The following BBS9 variants were observed in gnomAD, a reference collection of about 807,000 sequenced individuals.
The protein encoded by BBS9 is protein PTHB1.
Under a neutral mutation model 117.7 loss-of-function variants are expected in BBS9, and 89 were observed. That is an observed-to-expected ratio of 0.76 (90% CI 0.64 to 0.90). The LOEUF (loss-of-function observed/expected upper bound fraction) is 0.90, where lower values mean the gene tolerates loss of function less well. Ranked by LOEUF, BBS9 falls within the 40% of genes least tolerant of loss-of-function variation. BBS9 has a pLI of 0.00. For synonymous variants in BBS9, 379 were observed against 370.9 expected (o/e 1.02, Z -0.25); for missense variants, 982 against 1,042.2 (o/e 0.94, Z 0.80).
At position 33,613,962 on chromosome 7, in the gene BBS9, A is replaced by G. The variant is rs1865008147; in HGVS notation, c.2522-21215A>G. 2.0e-5 allele frequency among the ~76,000 whole-genome samples: 3 copies of G among 152,144 alleles called. No individual in the cohort carries two copies. In the South Asian group the frequency reaches 6.2e-4, roughly 31 times the overall value. ...ACCATACACTCTGTTTCTGCATGGC[A>G]GGCTATATGCCATGACTAACTCTAC... On this transcript the variant is annotated intron_variant, in intron 21 of 21. Transcript: ENST00000671952.
chr7:33,216,878 G>A (rs1354374686), intron 5 of BBS9, among the ~76,000 whole-genome samples: 8 of 152,098 alleles, frequency 5.3e-5, no homozygotes, highest in Admixed American at 1.3e-4. Context: ...GGTGGATCAC[G>A]AGGTCAGGAG....
At chr7:33,595,952 A>G (rs988099543) in intron 21 of BBS9, among the ~76,000 whole-genome samples, 1 of 152,076 alleles carries the variant, frequency 6.6e-6, no homozygotes, top group Non-Finnish European at 1.5e-5. Context: ...GTTCTCACTT[A>G]TAAGTGGGAG....
intron 21 of BBS9, among the ~76,000 whole-genome samples, chr7:33,546,868 A>T (rs1853464163): frequency 6.6e-6 from 1 of 152,188 alleles, no homozygotes; most frequent in African/African-American, 2.4e-5. Context: ...TGTGTTATAG[A>T]GTACAATCAT....
At chr7:33,150,030 G>C (rs187416985) in intron 2 of BBS9, among the ~76,000 whole-genome samples, 2 of 152,150 alleles carry the variant, frequency 1.3e-5, no homozygotes, top group Admixed American at 1.3e-4. Context: ...CAACCCTTCT[G>C]GACTCCATTA....
intron 19 of BBS9, among the ~76,000 whole-genome samples, chr7:33,461,320 C>T (rs771404897): frequency 7.2e-5 from 11 of 151,908 alleles, no homozygotes; most frequent in Non-Finnish European, 1.2e-4. Context: ...TCTTCCACAG[C>T]AGTGGAATGA....
At chr7:33,401,414 G>A (rs1219504879) in intron 19 of BBS9, among the ~76,000 whole-genome samples, 2 of 152,132 alleles carry the variant, frequency 1.3e-5, no homozygotes, top group Non-Finnish European at 2.9e-5. Context: ...AGTGGCCTGG[G>A]GCACAGTCTC....
intron 8 of BBS9, 59 bp from the exon 9 acceptor site, chr7:33,273,768 A>T: frequency 1.3e-6 from 2 of 1,517,484 alleles, no homozygotes; most frequent in Non-Finnish European, 1.8e-6. Context: ...CCTAAAAGAG[A>T]TATACTTTTC....
chr7:33,450,572 G>A (rs1244586034), intron 19 of BBS9, among the ~76,000 whole-genome samples: 2 of 152,192 alleles, frequency 1.3e-5, no homozygotes, highest in African/African-American at 4.8e-5. Context: ...GTCCTAATGG[G>A]GGTGAGGTGA....
At chr7:33,202,000 G>T (rs1355493291) in intron 5 of BBS9, among the ~76,000 whole-genome samples, 1 of 152,184 alleles carries the variant, frequency 6.6e-6, no homozygotes, top group Non-Finnish European at 1.5e-5. Flanking sequence ...TGCCTCCATA[G>T]TTGAGTGAGT....
intron 20 of BBS9, among the ~76,000 whole-genome samples, chr7:33,524,607 AT>A (rs1221775420): frequency 1.3e-5 from 2 of 151,952 alleles, no homozygotes. Flanking sequence ...CCCCTTTATC[AT>A]TTTTTATTGC....
At chr7:33,314,175 C>A in intron 9 of BBS9, 1 of 353,648 alleles carries the variant, frequency 2.8e-6, no homozygotes, top group Non-Finnish European at 5.4e-6. Context: ...AAAATTCTGG[C>A]CTAGAATCAT....
At chr7:33,479,463 T>C (rs1221290802) in intron 19 of BBS9, among the ~76,000 whole-genome samples, 1 of 152,240 alleles carries the variant, frequency 6.6e-6, no homozygotes, top group Admixed American at 6.5e-5. Context: ...TATGGCTGCA[T>C]AGTATTCCAT....
chr7:33,503,466 G>A (rs1041250027), intron 19 of BBS9, among the ~76,000 whole-genome samples: 7 of 152,088 alleles, frequency 4.6e-5, no homozygotes, highest in African/African-American at 1.2e-4. Flanking sequence ...CATAATAATC[G>A]CAATGTTAGT....
rs1864465797 is a variant in BBS9, at chr7:33,605,470, A to C, written c.*244A>C. The C allele has an allele frequency of 5.2e-6, 3 of 571,562 alleles. No homozygotes were observed. In the South Asian group the frequency reaches 6.2e-5, roughly 12 times the overall value. 35.4% of individuals were successfully genotyped at this position (571,562 alleles called of 1,614,324 possible). ...GGAAAGGAAGTAGTTGCCTTTGGTCATCCATCTGCTAATAGTCACAGAATA... is the reference window on the plus strand; with the variant it reads ...GGAAAGGAAGTAGTTGCCTTTGGTCCTCCATCTGCTAATAGTCACAGAATA... On this transcript the variant is annotated 3_prime_UTR_variant, in exon 23 of 23. Transcript: ENST00000242067.
At chr7:33,401,936 G>C (rs1828987775) in intron 19 of BBS9, among the ~76,000 whole-genome samples, 1 of 152,138 alleles carries the variant, frequency 6.6e-6, no homozygotes, top group African/African-American at 2.4e-5. Context: ...AATATCATGT[G>C]ATGTTATGCC....
At chr7:33,146,980 A>G (rs559855252) in intron 2 of BBS9, among the ~76,000 whole-genome samples, 25 of 152,260 alleles carry the variant, frequency 1.6e-4, no homozygotes, top group African/African-American at 5.5e-4. Context: ...AATATTTTGT[A>G]TTTTGAAAAA....
intron 21 of BBS9, among the ~76,000 whole-genome samples, chr7:33,569,694 G>C (rs1413087155): frequency 6.6e-6 from 1 of 151,964 alleles, no homozygotes; most frequent in Non-Finnish European, 1.5e-5. Context: ...CCCGGGAGGA[G>C]GAAATTGCAA....
intron 19 of BBS9, among the ~76,000 whole-genome samples, chr7:33,406,888 T>A (rs1487329507): frequency 1.3e-5 from 2 of 152,226 alleles, no homozygotes; most frequent in Non-Finnish European, 2.9e-5. Flanking sequence ...CGTTTCAACT[T>A]TGGTGAATCT....
intron 21 of BBS9, among the ~76,000 whole-genome samples, chr7:33,574,430 A>G (rs1353013816): frequency 1.3e-5 from 2 of 152,078 alleles, no homozygotes; most frequent in Non-Finnish European, 2.9e-5. Context: ...GGTAGAGATG[A>G]TTTCAGATGA....
Sources: gnomAD v4.1 joint callset for allele counts (sites outside exome capture counted in the v4.1 genomes callset) on GRCh38, gnomAD v4.1.1 for gene constraint, MANE v1.5 for transcripts, NCBI Gene and HGNC (gene_info 2026-07-23, HGNC 2026-07-21) for gene names.